Variants in FRYL observed in about 807,000 individuals in gnomAD.
FRYL encodes the protein protein furry homolog-like.
FRYL carries 150 observed loss-of-function variants against 351.2 expected under a neutral mutation model. The ratio of observed to expected loss-of-function variants is 0.43; its 90% CI spans 0.37 to 0.49. The LOEUF (loss-of-function observed/expected upper bound fraction) is 0.49. Among genes scored for constraint, FRYL ranks in the 20% least tolerant of loss-of-function variants. FRYL has a pLI of 0.00. For missense variants in FRYL, 3,036 were observed against 3,619.3 expected, an observed-to-expected ratio of 0.84 and a Z score of 4.13; for synonymous variants, 1,153 against 1,257.1, an observed-to-expected ratio of 0.92 and a Z score of 1.75.
chr4:48,757,202 C>G (rs1773883441), intron 1 of FRYL, among the ~76,000 whole-genome samples: 1 of 152,206 alleles, frequency 6.6e-6, no homozygotes, highest in African/African-American at 2.4e-5. Context: ...CAAGGATGCC[C>G]TCTCTCACCA....
chr4:48,540,107 T>C lies in FRYL; in HGVS notation c.6296-39A>G, dbSNP rs769571232. 17 of 1,454,278 alleles carry C rather than the reference T, an allele frequency of 1.2e-5. No individual in the cohort carries two copies. The African/African-American group carries it at 1.3e-4, about 11-fold the overall frequency. 90.1% of individuals were successfully genotyped at this position (1,454,278 alleles called of 1,614,324 possible). On this transcript the variant is annotated intron_variant, in intron 46 of 63. Coordinates refer to ENST00000358350, the MANE Select transcript of FRYL (RefSeq NM_015030.2). ...AAAAAGCAAACAATAACCAATTTTA[T>C]TGCACATTATTTTAAAAGTTAAAGT...
chr4:48,543,038 C>A (rs1292249376), intron 44 of FRYL, among the ~76,000 whole-genome samples: 1 of 152,132 alleles, frequency 6.6e-6, no homozygotes, highest in African/African-American at 2.4e-5. Flanking sequence ...GCAACACATC[C>A]TGCAATGTAT....
At position 48,561,648 on chromosome 4, in the gene FRYL, T is replaced by A. The variant is rs1240049070; in HGVS notation, c.3697-12A>T. On this transcript the variant is annotated splice_polypyrimidine_tract_variant and intron_variant, in intron 32 of 63. Transcript: ENST00000358350. ...TTCGGTTCCAGAATCTATAGGAATG[T>A]GATTCCATCAACTTAGGTTAAGATT... 11 of 1,590,906 alleles carry A rather than the reference T, an allele frequency of 6.9e-6. No homozygotes were observed. The South Asian group carries it at 1.3e-4, about 18-fold the overall frequency.
Position 48,609,801 on chromosome 4 carries a change from T to A in FRYL, c.434A>T (p.Asp145Val). 2 of 1,595,798 alleles carry A rather than the reference T, an allele frequency of 1.3e-6. No individual in the cohort carries two copies. The highest frequency in any genetic ancestry group is 1.7e-6 in the Non-Finnish European group (2 of 1,168,468). Reference sequence around the variant, plus strand: ...GTTTAGAACTTCATGAACTAAGGGATCGGGTACAGGATGAACAGGAATCTA... The same window carrying A: ...GTTTAGAACTTCATGAACTAAGGGAACGGGTACAGGATGAACAGGAATCTA... ...LKQIPVHPVP[D>V]PLVHEVLNLA... The change falls in exon 8 of 64, where the codon GAT becomes GTT. Residue 145 changes from aspartate to valine, a missense_variant. Around this residue, in one of 7 missense-constraint regions of FRYL, gnomAD observed 457 missense variants for 566.6 expected, o/e 0.81. Transcript: ENST00000358350.
intron 54 of FRYL, among the ~76,000 whole-genome samples, chr4:48,522,518 G>T (rs779887733): frequency 6.6e-6 from 1 of 152,122 alleles, no homozygotes; most frequent in Non-Finnish European, 1.5e-5. Flanking sequence ...ACTTGATCTC[G>T]AAAGGGACCA....
chr4:48,581,669 T>C, intron 20 of FRYL, 64 bp from the exon 21 acceptor site: 3 of 1,370,730 alleles, frequency 2.2e-6, no homozygotes, highest in Non-Finnish European at 3.0e-6. Flanking sequence ...CGAAAAACAG[T>C]TAATAAAAAA....
Position 48,546,130 on chromosome 4 carries a change from T to C in FRYL, c.5216A>G (p.Glu1739Gly). The C allele has an allele frequency of 6.2e-7, 1 of 1,613,736 alleles. No individual in the cohort carries two copies. Among genetic ancestry groups the C allele is most frequent in the Non-Finnish European group, 8.5e-7 (1 of 1,179,824 alleles). Reference protein sequence around the residue: ...ISHLHTTILNEVDISVEQDGK... With the variant: ...ISHLHTTILNGVDISVEQDGK... ...ATCCTGCTCCACTGAGATGTCAACC[T>C]CATTGAGGATAGTGGTGTGCAGATG... The change falls in exon 42 of 64, where the codon GAG becomes GGG. Residue 1739 changes from glutamate to glycine, a missense_variant. Physicochemically the swap from Glu to Gly is moderately conservative, Grantham distance 98. Coordinates refer to ENST00000358350, the MANE Select transcript of FRYL (RefSeq NM_015030.2).
At chr4:48,544,533 C>T (rs562834712) in intron 43 of FRYL, among the ~76,000 whole-genome samples, 1 of 152,102 alleles carries the variant, frequency 6.6e-6, no homozygotes, top group South Asian at 2.1e-4. Flanking sequence ...TCATAATACG[C>T]AATTGTATTG....
chr4:48,753,004 G>A (rs567413565), intron 1 of FRYL, among the ~76,000 whole-genome samples: 2 of 152,224 alleles, frequency 1.3e-5, no homozygotes, highest in East Asian at 3.9e-4. Context: ...GAGGGGTCGG[G>A]GGGAGTGAGC....
intron 30 of FRYL, 111 bp downstream of exon 30, chr4:48,564,822 T>A: frequency 1.7e-6 from 1 of 602,002 alleles, no homozygotes; most frequent in Non-Finnish European, 3.0e-6. Flanking sequence ...TTGCATATGA[T>A]CCTAACCTAT....
At chr4:48,675,748 G>A (rs1488727584) in intron 3 of FRYL, among the ~76,000 whole-genome samples, 1 of 152,368 alleles carries the variant, frequency 6.6e-6, no homozygotes, top group East Asian at 1.9e-4. Flanking sequence ...GGGACTGGCA[G>A]GCAGCTCCAC....
intron 62 of FRYL, 75 bp from the exon 63 acceptor site, chr4:48,500,295 C>T: frequency 1.2e-6 from 1 of 847,388 alleles, no homozygotes; most frequent in Non-Finnish European, 1.8e-6. Flanking sequence ...CAAGAATATA[C>T]CTGATGGCAG....
intron 2 of FRYL, among the ~76,000 whole-genome samples, chr4:48,695,363 T>C (rs1385134459): frequency 1.3e-5 from 2 of 152,188 alleles, no homozygotes; most frequent in East Asian, 1.9e-4. Flanking sequence ...AAACTACGCA[T>C]ATATGTAAAG....
chr4:48,632,140 A>C (rs1225602048), intron 4 of FRYL, among the ~76,000 whole-genome samples: 3 of 136,582 alleles, frequency 2.2e-5, no homozygotes, highest in African/African-American at 8.0e-5. Context: ...GCGCACACAA[A>C]ATCTCAAATA....
At chr4:48,590,538 G>C (rs1265419012) in intron 17 of FRYL, 121 bp downstream of exon 17, 2 of 627,436 alleles carry the variant, frequency 3.2e-6, no homozygotes, top group African/African-American at 1.9e-5. Flanking sequence ...CATTTTGTAT[G>C]GCTGTATATA....
intron 5 of FRYL, among the ~76,000 whole-genome samples, chr4:48,622,371 G>A (rs1368529070): frequency 6.6e-6 from 1 of 152,036 alleles, no homozygotes; most frequent in African/African-American, 2.4e-5. Context: ...TTAGACCAGT[G>A]GCTATTTACT....
rs1732496052 is a variant in FRYL, at chr4:48,550,632, T to A, written c.4593A>T (p.Arg1531=). 1.2e-6 allele frequency: 2 copies of A among 1,613,922 alleles called. No homozygotes were observed. The highest frequency in any genetic ancestry group is 1.1e-5 in the South Asian group (1 of 91,078). The change falls in exon 38 of 64, where the codon CGA becomes CGT. Residue 1531 remains arginine (R), a synonymous_variant. Transcript: ENST00000358350. ...LNRQHHRLES[R]YSSSSGGSYE... is the part of the protein sequence containing the mutation. ...AAGATCCTCCAGAGCTGCTACTGTA[T>A]CGGGATTCTAGTCTGTGATGTTGCC...
chr4:48,567,191 A>G lies in FRYL; in HGVS notation c.3169+57T>C. 1 of 1,430,560 alleles carries G rather than the reference A, an allele frequency of 7.0e-7. No individual in the cohort carries two copies. Among genetic ancestry groups the G allele is most frequent in the African/African-American group, 1.5e-5 (1 of 68,570 alleles). The allele number at this position is 1,430,560 out of a possible 1,614,324, so 88.6% of individuals were successfully genotyped here. ...TTAGATTATTAAACCTCAAGGAAAGAAAAAATATGACGGTTCCTTAATACT... is the reference window on the plus strand; with the variant it reads ...TTAGATTATTAAACCTCAAGGAAAGGAAAAATATGACGGTTCCTTAATACT... On this transcript the variant is annotated intron_variant, in intron 28 of 63. Coordinates refer to ENST00000358350, the MANE Select transcript of FRYL (RefSeq NM_015030.2). The surrounding 1 kb of genome is among the most constrained non-coding windows in gnomAD (Gnocchi z 4.2).
intron 1 of FRYL, among the ~76,000 whole-genome samples, chr4:48,752,777 TAA>T (rs1174166584): frequency 6.6e-6 from 1 of 152,250 alleles, no homozygotes; most frequent in Non-Finnish European, 1.5e-5. Flanking sequence ...CTGTAAGTTT[TAA>T]AGTTTTTCAA....
Sources: allele counts gnomAD v4.1 joint callset (sites outside exome capture counted in the v4.1 genomes callset), GRCh38; gene constraint gnomAD v4.1.1; regional missense constraint gnomAD v4.1.1; non-coding constraint Gnocchi (gnomAD v3.1); transcripts MANE v1.5; gene names NCBI Gene and HGNC (gene_info 2026-07-23, HGNC 2026-07-21).